The following CNBD1 variants were observed in gnomAD, a reference collection of about 807,000 sequenced individuals.
CNBD1 encodes the protein cyclic nucleotide-binding domain-containing protein 1.
A neutral mutation model predicts 54.4 loss-of-function variants in CNBD1; 71 were observed. The observed-to-expected ratio is 1.30, with a 90% CI of 1.08 to 1.59. The LOEUF (loss-of-function observed/expected upper bound fraction) is 1.59. Ranked by LOEUF, CNBD1 falls within the 40% of genes most tolerant of loss-of-function variation. The pLI is 0.00. For synonymous variants in CNBD1, 182 were observed against 170.7 expected (o/e 1.07, Z -0.51); for missense variants, 659 against 518.0 (o/e 1.27, Z -2.64).
chr8:86,918,426 A>G (rs1253992538), intron 3 of CNBD1, among the ~76,000 whole-genome samples: 1 of 152,102 alleles, frequency 6.6e-6, no homozygotes, highest in Non-Finnish European at 1.5e-5. Context: ...GCATGCTGAT[A>G]TGATTTGGTT....
chr8:87,208,536 A>T (rs746331500), intron 5 of CNBD1, among the ~76,000 whole-genome samples: 1 of 151,994 alleles, frequency 6.6e-6, no homozygotes. Flanking sequence ...AGGATTTTTC[A>T]TTAGATCACA....
chr8:87,169,453 C>T (rs537687235), intron 4 of CNBD1, among the ~76,000 whole-genome samples: 7 of 152,064 alleles, frequency 4.6e-5, no homozygotes, highest in South Asian at 2.1e-4. Flanking sequence ...TGACTGTCCT[C>T]GTGGGGTATT....
intron 1 of CNBD1, among the ~76,000 whole-genome samples, chr8:86,879,802 G>A (rs1266906778): frequency 6.6e-6 from 1 of 152,100 alleles, no homozygotes; most frequent in African/African-American, 2.4e-5. Flanking sequence ...AACCCAGGAG[G>A]CGGAGGTTGC....
At chr8:87,307,134 C>T (rs62528138) in intron 8 of CNBD1, among the ~76,000 whole-genome samples, 6,668 of 152,142 alleles carry the variant, frequency 0.044, 191 homozygotes, top group Non-Finnish European at 0.06. Context: ...CTAACAGATT[C>T]GTCTTAGATT....
At chr8:87,085,341 A>G (rs1811074969) in intron 4 of CNBD1, among the ~76,000 whole-genome samples, 1 of 151,932 alleles carries the variant, frequency 6.6e-6, no homozygotes. Flanking sequence ...GTGTTTCTCA[A>G]ATTTTGTACT....
At chr8:87,379,913 C>G (rs1488653900) in intron 10 of CNBD1, among the ~76,000 whole-genome samples, 1 of 151,544 alleles carries the variant, frequency 6.6e-6, no homozygotes, top group African/African-American at 2.4e-5. Context: ...ACGAGAAATA[C>G]TTAAATATGA....
intron 4 of CNBD1, among the ~76,000 whole-genome samples, chr8:87,015,842 G>T (rs1235776108): frequency 2.0e-5 from 3 of 151,840 alleles, no homozygotes; most frequent in African/African-American, 7.3e-5. Context: ...TTAGACTGGT[G>T]TGGTGGTGGG....
intron 10 of CNBD1, among the ~76,000 whole-genome samples, chr8:87,373,828 A>T (rs1324804720): frequency 6.6e-6 from 1 of 151,834 alleles, no homozygotes; most frequent in Non-Finnish European, 1.5e-5. Context: ...GTAAACCTTA[A>T]ACTTCAATAT....
intron 4 of CNBD1, among the ~76,000 whole-genome samples, chr8:86,969,719 TTAA>T (rs1300625092): frequency 2.0e-5 from 3 of 151,540 alleles, no homozygotes; most frequent in Non-Finnish European, 2.9e-5. Flanking sequence ...CTAATACAAA[TTAA>T]TAATGTGGAA....
rs183245296 is a variant in CNBD1, at chr8:87,034,761, C to G, written c.431+95007C>G. Among the ~76,000 whole-genome samples the G allele has an allele frequency of 3.7e-4, 56 of 152,118 alleles. 2 individuals are homozygous for G. Among genetic ancestry groups the G allele is most frequent in the Admixed American group, 3.5e-3 (53 of 15,272 alleles). On this transcript the variant is annotated intron_variant, in intron 4 of 10. Transcript: ENST00000518476. Reference sequence around the variant, plus strand: ...ATAGTTCATCTGCTTTTTGATTTATCACAAATCTCCAGACAAATTTAGTAT... The same window carrying G: ...ATAGTTCATCTGCTTTTTGATTTATGACAAATCTCCAGACAAATTTAGTAT...
At chr8:87,314,160 T>TA (rs924916155) in intron 8 of CNBD1, among the ~76,000 whole-genome samples, 10 of 151,806 alleles carry the variant, frequency 6.6e-5, no homozygotes, top group East Asian at 1.9e-4. Context: ...AAAGATAATA[T>TA]AAAAAAAGAT....
At chr8:87,022,031 C>T (rs73273638) in intron 4 of CNBD1, among the ~76,000 whole-genome samples, 4,592 of 152,000 alleles carry the variant, frequency 0.03, 239 homozygotes, top group African/African-American at 0.1. Context: ...AATAGCATAC[C>T]CATGTTTGAA....
intron 4 of CNBD1, among the ~76,000 whole-genome samples, chr8:87,130,129 T>G (rs957406328): frequency 1.3e-5 from 2 of 152,090 alleles, no homozygotes; most frequent in Admixed American, 1.3e-4. Flanking sequence ...CCACAACACA[T>G]GGGAATTCAA....
intron 4 of CNBD1, among the ~76,000 whole-genome samples, chr8:87,066,512 C>G (rs905727248): frequency 2.6e-5 from 4 of 151,844 alleles, no homozygotes; most frequent in African/African-American, 9.7e-5. Flanking sequence ...ATCCAGAACA[C>G]TTTGGAGATT....
intron 2 of CNBD1, among the ~76,000 whole-genome samples, chr8:86,899,144 G>C (rs578162648): frequency 6.6e-6 from 1 of 152,166 alleles, no homozygotes; most frequent in South Asian, 2.1e-4. Flanking sequence ...CAGAGATAGA[G>C]AACAGTGGTT....
At chr8:87,357,448 A>G (rs976464195) in intron 10 of CNBD1, among the ~76,000 whole-genome samples, 1 of 152,190 alleles carries the variant, frequency 6.6e-6, no homozygotes, top group Admixed American at 6.5e-5. Context: ...CAGTGTACCC[A>G]TAATTAGAGT....
chr8:87,353,332 A>G (rs1810345803), intron 9 of CNBD1, among the ~76,000 whole-genome samples: 1 of 152,170 alleles, frequency 6.6e-6, no homozygotes, highest in Non-Finnish European at 1.5e-5. Context: ...TATGCTCACA[A>G]AATGATATCC....
chr8:87,289,772 C>G (rs1196093858), intron 8 of CNBD1, among the ~76,000 whole-genome samples: 2 of 152,102 alleles, frequency 1.3e-5, no homozygotes, highest in Non-Finnish European at 1.5e-5. Context: ...TACATAGGCT[C>G]TACATCCCTT....
chr8:87,042,232 C>G (rs975912832), intron 4 of CNBD1, among the ~76,000 whole-genome samples: 7 of 152,094 alleles, frequency 4.6e-5, no homozygotes, highest in African/African-American at 1.7e-4. Context: ...TTGAATTTGT[C>G]TATTAAATAT....
Sources: gnomAD v4.1 joint callset for allele counts (sites outside exome capture counted in the v4.1 genomes callset) on GRCh38, gnomAD v4.1.1 for gene constraint, MANE v1.5 for transcripts, NCBI Gene and HGNC (gene_info 2026-07-23, HGNC 2026-07-21) for gene names.